FRYL: variants seen among roughly 807,000 people sequenced by gnomAD.
FRYL encodes the protein FRY like transcription coactivator, also known as protein furry homolog-like.
A neutral mutation model predicts 351.2 loss-of-function variants in FRYL; 150 were observed. The ratio of observed to expected loss-of-function variants is 0.43; its 90% CI spans 0.37 to 0.49. FRYL has a LOEUF of 0.49. Among genes scored for constraint, FRYL ranks in the 20% least tolerant of loss-of-function variants. The probability of loss-of-function intolerance (pLI) is 0.00; values close to 1 mark genes in which losing one functional copy is unlikely to be tolerated. For missense variants in FRYL, 3,036 were observed against 3,619.3 expected (o/e 0.84, Z 4.13); for synonymous variants, 1,153 against 1,257.1 (o/e 0.92, Z 1.75).
chr4:48,689,115 T>A (rs1054203475), intron 2 of FRYL, among the ~76,000 whole-genome samples: 2 of 152,220 alleles, frequency 1.3e-5, no homozygotes, highest in Admixed American at 1.3e-4. Flanking sequence ...AAAATCTAAA[T>A]TTCTTGCTGA....
At position 48,564,309 on chromosome 4, in the gene FRYL, G is replaced by A. The variant is rs553099236; in HGVS notation, c.3442-207C>T. 1.4e-4 allele frequency among the ~76,000 whole-genome samples: 22 copies of A among 152,244 alleles called. No homozygotes were observed. The South Asian group carries it at 1.7e-3, about 11-fold the overall frequency. On this transcript the variant is annotated intron_variant, in intron 30 of 63. Coordinates refer to ENST00000358350, the MANE Select transcript of FRYL (RefSeq NM_015030.2). ...CTGAATTTGGCCTCTCGCTTTTTAC[G>A]CGAGCCTCTCTAGTATGATTTTGTC...
chr4:48,520,284 A>G, intron 55 of FRYL, among the ~76,000 whole-genome samples: 1 of 152,238 alleles, frequency 6.6e-6, no homozygotes, highest in Non-Finnish European at 1.5e-5. Context: ...GGTTACTGTT[A>G]AAGTTCAAAT....
chr4:48,603,464 C>T (rs1373278468), intron 11 of FRYL, 76 bp from the exon 12 acceptor site: 38 of 974,442 alleles, frequency 3.9e-5, no homozygotes, highest in Non-Finnish European at 5.1e-5. Flanking sequence ...CAAGAACTTT[C>T]TGTAAGGTTT....
At chr4:48,606,697 C>G in intron 9 of FRYL, 91 bp from the exon 10 acceptor site, 2 of 958,052 alleles carry the variant, frequency 2.1e-6, no homozygotes, top group Non-Finnish European at 3.0e-6. Context: ...GGTATGCTAC[C>G]TAAATATCAT....
chr4:48,627,225 T>C (rs1226416015), intron 4 of FRYL, among the ~76,000 whole-genome samples: 3 of 152,186 alleles, frequency 2.0e-5, no homozygotes, highest in Non-Finnish European at 4.4e-5. Context: ...TAATGTGAAC[T>C]ATGTGTCTAA....
At chr4:48,734,086 G>A (rs1179445336) in intron 1 of FRYL, among the ~76,000 whole-genome samples, 1 of 145,226 alleles carries the variant, frequency 6.9e-6, no homozygotes, top group South Asian at 2.1e-4. Context: ...AAACATCAAT[G>A]GTCTAAATGC....
At chr4:48,670,404 G>C (rs990657111) in intron 3 of FRYL, among the ~76,000 whole-genome samples, 6 of 151,594 alleles carry the variant, frequency 4.0e-5, no homozygotes, top group African/African-American at 1.2e-4. Context: ...CTGCACTCCA[G>C]CCTGGGTGAC....
rs1351791597 is a variant in FRYL, at chr4:48,510,120, C to G, written c.8333G>C (p.Gly2778Ala). The stretch of plus-strand genomic sequence containing the variant: ...CAGGTGTTCTTGCAACTCCAAAACA[C>G]CAAACTTGAGTGTTTCCAGCAAACC... ...SCGLLETLKF[G>A]VLELQEHLDT... is the part of the protein sequence containing the mutation. The change falls in exon 59 of 64, where the codon GGT becomes GCT. Residue 2778 changes from glycine (G) to alanine (A), a missense_variant. Coordinates refer to ENST00000358350, the MANE Select transcript of FRYL (RefSeq NM_015030.2). The G allele has an allele frequency of 1.9e-6, 3 of 1,613,592 alleles. No individual in the cohort carries two copies. Among genetic ancestry groups the G allele is most frequent in the Non-Finnish European group, 2.5e-6 (3 of 1,179,694 alleles).
At chr4:48,653,927 T>C in intron 3 of FRYL, 2 of 1,227,458 alleles carry the variant, frequency 1.6e-6, no homozygotes, top group Non-Finnish European at 2.1e-6. Context: ...TGGCCCACAG[T>C]GCCTTGGCTT....
chr4:48,754,754 G>A (rs1221654053), intron 1 of FRYL, among the ~76,000 whole-genome samples: 2 of 147,838 alleles, frequency 1.4e-5, no homozygotes, highest in Admixed American at 6.8e-5. Flanking sequence ...TGCAGCCTCC[G>A]CCTCAGCCTT....
At chr4:48,499,969 A>G (rs1719189946) in intron 63 of FRYL, 61 bp downstream of exon 63, 1 of 1,142,484 alleles carries the variant, frequency 8.8e-7, no homozygotes, top group Non-Finnish European at 1.3e-6. Flanking sequence ...ATGAAAACCT[A>G]GTATTACTAA....
chr4:48,733,934 G>A (rs1771005165), intron 1 of FRYL, among the ~76,000 whole-genome samples: 1 of 151,844 alleles, frequency 6.6e-6, no homozygotes, highest in Non-Finnish European at 1.5e-5. Context: ...AAAGAAAATG[G>A]AATCATATAA....
intron 23 of FRYL, among the ~76,000 whole-genome samples, chr4:48,576,956 T>G (rs1739753901): frequency 6.6e-6 from 1 of 152,180 alleles, no homozygotes; most frequent in South Asian, 2.1e-4. Flanking sequence ...TATCTACCTT[T>G]TAGACTTACG....
intron 48 of FRYL, among the ~76,000 whole-genome samples, 166 bp downstream of exon 48, chr4:48,535,491 A>G (rs190791441): frequency 3.4e-4 from 51 of 152,148 alleles, no homozygotes; most frequent in African/African-American, 1.2e-3. Flanking sequence ...GACAATTTGA[A>G]TATCAGTTAA....
Position 48,547,735 on chromosome 4 carries a change from A to G in FRYL, c.4923T>C (p.His1641=). 6.4e-7 allele frequency: 1 copy of G among 1,573,030 alleles called. No individual in the cohort carries two copies. The highest frequency in any genetic ancestry group is 8.7e-7 in the Non-Finnish European group (1 of 1,153,198). ...ATAAGTGCAGAAGCAGGCGTTTACAATGTTCATACACCTCAGGGTGGCAGT... is the reference window on the plus strand; with the variant it reads ...ATAAGTGCAGAAGCAGGCGTTTACAGTGTTCATACACCTCAGGGTGGCAGT... ...FDHCHPEVYE[H]CKRLLLHLLI... is the part of the protein sequence containing the mutation. The change falls in exon 41 of 64, where the codon CAT becomes CAC. Residue 1641 remains histidine, a synonymous_variant. Coordinates refer to ENST00000358350, the MANE Select transcript of FRYL (RefSeq NM_015030.2).
At chr4:48,656,099 A>G (rs1758877209) in intron 3 of FRYL, among the ~76,000 whole-genome samples, 1 of 118,964 alleles carries the variant, frequency 8.4e-6, no homozygotes, top group Non-Finnish European at 1.7e-5. Flanking sequence ...TATAATGTAT[A>G]TATTGTATAC....
intron 60 of FRYL, chr4:48,505,251 A>C (rs567509690): frequency 1.2e-5 from 4 of 346,972 alleles, no homozygotes; most frequent in African/African-American, 2.1e-5. Flanking sequence ...TTTTTCTTTA[A>C]GAGGCACATG....
At chr4:48,722,271 C>T (rs565295670) in intron 1 of FRYL, among the ~76,000 whole-genome samples, 353 of 152,234 alleles carry the variant, frequency 2.3e-3, no homozygotes, top group Non-Finnish European at 2.9e-3. Context: ...TAAATATATG[C>T]TCACTAGAAT....
chr4:48,578,371 GA>G (rs1325625391), intron 23 of FRYL, among the ~76,000 whole-genome samples: 1 of 152,052 alleles, frequency 6.6e-6, no homozygotes, highest in Non-Finnish European at 1.5e-5. Context: ...TCTGTAAGGA[GA>G]AATCAGGAAC....
Sources: allele counts gnomAD v4.1 joint callset (sites outside exome capture counted in the v4.1 genomes callset), GRCh38; gene constraint gnomAD v4.1.1; transcripts MANE v1.5; gene names NCBI Gene and HGNC (gene_info 2026-07-23, HGNC 2026-07-21).